Variants in CCSER1 observed in about 807,000 individuals in gnomAD.
CCSER1 encodes coiled-coil serine rich protein 1.
CCSER1 carries 41 observed loss-of-function variants against 82.0 expected under a neutral mutation model. The observed-to-expected ratio is 0.50, with a 90% CI of 0.39 to 0.65. The LOEUF is 0.65. CCSER1 is among the 30% of genes least tolerant of loss of function. CCSER1 has a pLI of 0.00. For synonymous variants in CCSER1, 414 were observed against 383.9 expected, an observed-to-expected ratio of 1.08 and a Z score of -0.92; for missense variants, 1,119 against 1,064.2, an observed-to-expected ratio of 1.05 and a Z score of -0.72.
chr4:91,543,701 T>C (rs978444291), intron 10 of CCSER1, among the ~76,000 whole-genome samples: 7 of 152,182 alleles, frequency 4.6e-5, no homozygotes, highest in Non-Finnish European at 1.0e-4. Flanking sequence ...CTTTTGTGGG[T>C]AACCCGACCT....
At chr4:90,429,977 T>A (rs1328908683) in intron 4 of CCSER1, among the ~76,000 whole-genome samples, 1 of 151,828 alleles carries the variant, frequency 6.6e-6, no homozygotes, top group East Asian at 1.9e-4. Flanking sequence ...CTTTACTAAG[T>A]CTCACATATA....
At chr4:90,642,626 C>T (rs1726748726) in intron 6 of CCSER1, among the ~76,000 whole-genome samples, 2 of 152,166 alleles carry the variant, frequency 1.3e-5, no homozygotes, top group South Asian at 4.1e-4. Flanking sequence ...ATTGCTTGAG[C>T]TCAGGAGTTC....
chr4:91,488,588 C>G (rs1758344715), intron 10 of CCSER1, among the ~76,000 whole-genome samples: 1 of 152,114 alleles, frequency 6.6e-6, no homozygotes, highest in African/African-American at 2.4e-5. Flanking sequence ...AGCACGAGAA[C>G]TGGTTGTTTA....
intron 10 of CCSER1, among the ~76,000 whole-genome samples, chr4:91,120,545 G>A (rs187694637): frequency 2.0e-4 from 31 of 152,086 alleles, no homozygotes; most frequent in African/African-American, 7.2e-4. Context: ...GCTAAAACAT[G>A]GGATGATACT....
chr4:90,926,393 G>C lies in CCSER1; in HGVS notation c.2172+2946G>C, dbSNP rs147843446. ...GATTATTATGGATCATGTTTTATTG[G>C]TATGAGTATCAGAATATATGATACT... On this transcript the variant is annotated intron_variant, in intron 9 of 10. Coordinates refer to ENST00000509176, the MANE Select transcript of CCSER1 (RefSeq NM_001145065.2). Among the ~76,000 whole-genome samples the C allele has an allele frequency of 5.7e-3, 868 of 151,860 alleles. 27 individuals carry two copies. Among genetic ancestry groups the C allele is most frequent in the Admixed American group, 0.054 (817 of 15,230 alleles).
intron 6 of CCSER1, among the ~76,000 whole-genome samples, chr4:90,656,548 A>T (rs2149073726): frequency 6.6e-6 from 1 of 151,728 alleles, no homozygotes; most frequent in African/African-American, 2.4e-5. Flanking sequence ...GCTCATTTTT[A>T]TATGTCTCTA....
intron 5 of CCSER1, among the ~76,000 whole-genome samples, chr4:90,616,901 G>A (rs1360036435): frequency 1.3e-5 from 2 of 152,038 alleles, no homozygotes; most frequent in African/African-American, 2.4e-5. Context: ...CGAGGATTTC[G>A]CCAAGTGGCT....
intron 7 of CCSER1, among the ~76,000 whole-genome samples, chr4:90,814,645 C>T (rs1758766280): frequency 6.6e-6 from 1 of 152,124 alleles, no homozygotes; most frequent in African/African-American, 2.4e-5. Flanking sequence ...ATTTCTTCCA[C>T]CAGGTACCTT....
intron 10 of CCSER1, among the ~76,000 whole-genome samples, chr4:91,436,504 A>T (rs1560669095): frequency 6.6e-6 from 1 of 152,220 alleles, no homozygotes; most frequent in Non-Finnish European, 1.5e-5. Context: ...GAGAAAGTCG[A>T]TGACTTCAGT....
intron 10 of CCSER1, among the ~76,000 whole-genome samples, chr4:91,398,930 C>A (rs1320072496): frequency 1.3e-5 from 2 of 151,600 alleles, no homozygotes; most frequent in African/African-American, 2.4e-5. Context: ...GAGCACTAGT[C>A]CAGAGCTTAA....
chr4:90,221,902 A>T (rs1742225223), intron 1 of CCSER1, among the ~76,000 whole-genome samples: 1 of 152,176 alleles, frequency 6.6e-6, no homozygotes. Context: ...CCACTAATTG[A>T]ATAAAACATA....
chr4:90,584,338 G>A (rs933014729), intron 5 of CCSER1, among the ~76,000 whole-genome samples: 1 of 152,092 alleles, frequency 6.6e-6, no homozygotes, highest in Non-Finnish European at 1.5e-5. Context: ...GAAACCACAC[G>A]GCAAAGAATG....
intron 4 of CCSER1, among the ~76,000 whole-genome samples, chr4:90,413,065 T>C (rs147265865): frequency 0.011 from 1,647 of 152,154 alleles, 16 homozygotes; most frequent in South Asian, 0.03. Flanking sequence ...AAAGACTCAT[T>C]CAAAAACCTC....
intron 8 of CCSER1, among the ~76,000 whole-genome samples, chr4:90,874,779 G>A (rs751205081): frequency 3.9e-5 from 6 of 152,128 alleles, no homozygotes; most frequent in Non-Finnish European, 7.4e-5. Context: ...TGGGTGTGGT[G>A]TCTCACACCT....
chr4:90,602,881 C>A (rs557231860), intron 5 of CCSER1, among the ~76,000 whole-genome samples: 1 of 152,140 alleles, frequency 6.6e-6, no homozygotes, highest in African/African-American at 2.4e-5. Flanking sequence ...CCTTTATTAC[C>A]CCGATCAGGA....
intron 3 of CCSER1, among the ~76,000 whole-genome samples, chr4:90,386,798 C>T (rs565379397): frequency 4.6e-5 from 7 of 152,300 alleles, no homozygotes; most frequent in African/African-American, 1.7e-4. Context: ...TTCTGATTTT[C>T]ATATGGCTGC....
chr4:90,468,461 A>T, intron 5 of CCSER1, 107 bp downstream of exon 5: 1 of 1,007,480 alleles, frequency 9.9e-7, no homozygotes, highest in Admixed American at 3.2e-5. Context: ...AGAAAGAAGA[A>T]ATAAATTTTA....
intron 8 of CCSER1, among the ~76,000 whole-genome samples, chr4:90,896,193 A>G (rs2150130554): frequency 6.6e-6 from 1 of 152,086 alleles, no homozygotes; most frequent in Middle Eastern, 3.4e-3. Context: ...AGTGCCTTTC[A>G]CTGGTACAAG....
rs548283211 is a variant in CCSER1 at position 90,423,818 on chromosome 4, A to T, written c.1603+23689A>T. On this transcript the variant is annotated intron_variant, in intron 4 of 10. Transcript: ENST00000509176. ...AATAACACATTTTAATGAATGAAAT[A>T]TTGGGCTGGGCGTGGTGGCTCACGC... 4.1e-5 allele frequency among the ~76,000 whole-genome samples: 6 copies of T among 147,050 alleles called. No individual in the cohort carries two copies. The South Asian group carries it at 1.2e-3, about 29-fold the overall frequency.
Sources: allele counts gnomAD v4.1 joint callset (sites outside exome capture counted in the v4.1 genomes callset), GRCh38; gene constraint gnomAD v4.1.1; transcripts MANE v1.5; gene names NCBI Gene and HGNC (gene_info 2026-07-23, HGNC 2026-07-21).